SMOC2: variants seen among roughly 807,000 people sequenced by gnomAD.
SMOC2 encodes the protein SPARC-related modular calcium-binding protein 2.
In SMOC2, 39 loss-of-function variants were observed where a neutral mutation model predicts 61.4. The ratio of observed to expected loss-of-function variants is 0.64; its 90% CI spans 0.49 to 0.83. The LOEUF (loss-of-function observed/expected upper bound fraction) is 0.83, where lower values mean the gene tolerates loss of function less well. Ranked by LOEUF, SMOC2 falls within the 40% of genes least tolerant of loss-of-function variation. The pLI is 0.00. For missense variants in SMOC2, 556 were observed against 592.9 expected, an observed-to-expected ratio of 0.94 and a Z score of 0.65; for synonymous variants, 247 against 239.9, an observed-to-expected ratio of 1.03 and a Z score of -0.27.
At chr6:168,665,075 AC>A (rs1283143317) in intron 12 of SMOC2, 1 of 284,700 alleles carries the variant, frequency 3.5e-6, no homozygotes, top group African/African-American at 2.3e-5. Context: ...TTTAAATCTC[AC>A]CGCAAATCAC....
intron 5 of SMOC2, among the ~76,000 whole-genome samples, chr6:168,545,421 G>A (rs1038384042): frequency 4.6e-5 from 7 of 152,182 alleles, no homozygotes; most frequent in Non-Finnish European, 5.9e-5. Flanking sequence ...CTGATAGAGG[G>A]AAAGTAAAAA....
intron 9 of SMOC2, among the ~76,000 whole-genome samples, chr6:168,646,701 A>G (rs918478896): frequency 6.6e-6 from 1 of 151,778 alleles, no homozygotes; most frequent in Non-Finnish European, 1.5e-5. Context: ...GGTCTCAGGG[A>G]CCCGCCAGTT....
Position 168,543,656 on chromosome 6 carries a change from A to G in SMOC2, c.495A>G (p.Glu165=), listed in dbSNP as rs1320355739. The G allele has an allele frequency of 6.2e-7, 1 of 1,613,796 alleles. No homozygotes were observed. The highest frequency in any genetic ancestry group is 1.3e-5 in the African/African-American group (1 of 74,946). The part of the protein sequence containing the change: ...GSVNEKLPQR[E]GTGKTDDAAA... The stretch of plus-strand genomic sequence containing the variant: ...TAAATGAAAAGTTACCCCAACGCGA[A>G]GGCACAGGAAAAACAGGTAACTATC... Residue 165 remains glutamate (E), a synonymous_variant, in exon 5 of 13, where the codon GAA becomes GAG. Coordinates refer to ENST00000356284, the MANE Select transcript of SMOC2 (RefSeq NM_001166412.2).
At chr6:168,501,487 G>A (rs373721324) in intron 1 of SMOC2, among the ~76,000 whole-genome samples, 6 of 152,042 alleles carry the variant, frequency 3.9e-5, no homozygotes, top group Admixed American at 3.3e-4. Context: ...CCCTCGCCAC[G>A]GGGCCAGGAA....
intron 11 of SMOC2, among the ~76,000 whole-genome samples, chr6:168,659,713 G>A (rs1320175690): frequency 4.8e-5 from 1 of 20,724 alleles, no homozygotes; most frequent in Admixed American, 5.1e-4. Flanking sequence ...GAGGTTGTAG[G>A]CTGAGTGAGG....
chr6:168,527,816 T>C, intron 4 of SMOC2, 89 bp downstream of exon 4: 1 of 920,728 alleles, frequency 1.1e-6, no homozygotes, highest in Admixed American at 2.0e-5. Flanking sequence ...TTACTGATAA[T>C]TCAAAGGGAA....
chr6:168,510,665 C>A (rs1401010885), intron 2 of SMOC2, among the ~76,000 whole-genome samples: 2 of 152,100 alleles, frequency 1.3e-5, no homozygotes, highest in Non-Finnish European at 2.9e-5. Flanking sequence ...ACTAAAGATG[C>A]CTTTGAGATG....
At chr6:168,537,908 A>G (rs1583091418) in intron 4 of SMOC2, among the ~76,000 whole-genome samples, 1 of 152,160 alleles carries the variant, frequency 6.6e-6, no homozygotes, top group African/African-American at 2.4e-5. Context: ...TCCCAAGCCC[A>G]CCTGTGTGAC....
intron 2 of SMOC2, among the ~76,000 whole-genome samples, chr6:168,513,193 A>G (rs1205776390): frequency 2.0e-5 from 3 of 152,244 alleles, no homozygotes; most frequent in African/African-American, 7.2e-5. Flanking sequence ...AAAATAGAAT[A>G]TACCATTTAA....
chr6:168,533,911 C>G (rs372286888), intron 4 of SMOC2, among the ~76,000 whole-genome samples: 2 of 151,968 alleles, frequency 1.3e-5, no homozygotes, highest in African/African-American at 4.8e-5. Flanking sequence ...CTTCAGCAAT[C>G]AAGCCACAAT....
chr6:168,657,442 T>C (rs1296597582), intron 11 of SMOC2, among the ~76,000 whole-genome samples: 4 of 152,214 alleles, frequency 2.6e-5, no homozygotes, highest in African/African-American at 7.2e-5. Context: ...CTCCAGGCAT[T>C]TGGATGGAAA....
chr6:168,609,133 C>T (rs1285296657), intron 9 of SMOC2, among the ~76,000 whole-genome samples: 1 of 152,230 alleles, frequency 6.6e-6, no homozygotes, highest in Non-Finnish European at 1.5e-5. Flanking sequence ...GATTCCACAA[C>T]ATGAGTAACG....
chr6:168,547,427 G>A (rs1281480526), intron 6 of SMOC2, among the ~76,000 whole-genome samples: 2 of 152,006 alleles, frequency 1.3e-5, no homozygotes, highest in African/African-American at 2.4e-5. Flanking sequence ...GTAGGATGGA[G>A]GAAACAGAGG....
At chr6:168,664,352 G>C (rs992716634) in intron 12 of SMOC2, 2 of 405,704 alleles carry the variant, frequency 4.9e-6, no homozygotes, top group Non-Finnish European at 8.8e-6. Context: ...CATTTATTAA[G>C]AAAAATTTCT....
intron 2 of SMOC2, among the ~76,000 whole-genome samples, chr6:168,517,358 G>A (rs1019345064): frequency 2.6e-4 from 39 of 152,206 alleles, no homozygotes; most frequent in Non-Finnish European, 4.1e-4. Flanking sequence ...TTCTCAAGCC[G>A]CCTCACGCCT....
chr6:168,661,301 G>A (rs555030223), intron 11 of SMOC2, among the ~76,000 whole-genome samples: 136 of 152,152 alleles, frequency 8.9e-4, no homozygotes, highest in African/African-American at 3.3e-3. Flanking sequence ...TGAACAATGC[G>A]CTTTTTATTC....
intron 1 of SMOC2, among the ~76,000 whole-genome samples, chr6:168,508,232 T>C (rs1267476877): frequency 6.6e-6 from 1 of 152,224 alleles, no homozygotes; most frequent in East Asian, 1.9e-4. Flanking sequence ...GGGCAAATTA[T>C]TTAAAGTTGA....
rs543906119 is a variant in SMOC2 at position 168,609,829 on chromosome 6, G to A, written c.907+1590G>A. ...AGATTCTTAACTTATTTTTTTTTTC[G>A]ATAGCACAAAGTTGCATCACTTCTA... is the stretch of plus-strand genomic sequence containing the variant. On this transcript the variant is annotated intron_variant, in intron 9 of 12. Coordinates refer to ENST00000356284, the MANE Select transcript of SMOC2 (RefSeq NM_001166412.2). Among the ~76,000 whole-genome samples, 11 of 150,488 alleles carry A rather than the reference G, an allele frequency of 7.3e-5. No individual in the cohort carries two copies. In the East Asian group the frequency reaches 1.2e-3, roughly 16 times the overall value.
intron 9 of SMOC2, among the ~76,000 whole-genome samples, chr6:168,610,969 A>AC (rs1235666570): frequency 1.3e-5 from 2 of 150,448 alleles, no homozygotes; most frequent in Admixed American, 6.6e-5. Context: ...TTCTTAAACC[A>AC]GCCCTTCCTA....
Sources: allele counts gnomAD v4.1 joint callset (sites outside exome capture counted in the v4.1 genomes callset), GRCh38; gene constraint gnomAD v4.1.1; transcripts MANE v1.5; gene names NCBI Gene and HGNC (gene_info 2026-07-23, HGNC 2026-07-21).